The following GRB10 variants were observed in gnomAD, a reference collection of about 807,000 sequenced individuals.
GRB10 encodes the protein growth factor receptor bound protein 10.
A neutral mutation model predicts 80.9 loss-of-function variants in GRB10; 20 were observed. That is an observed-to-expected ratio of 0.25 (90% CI 0.17 to 0.36). The LOEUF (loss-of-function observed/expected upper bound fraction) is 0.36. Among genes scored for constraint, GRB10 ranks in the 10% least tolerant of loss-of-function variants. The pLI is 1.00. For missense variants in GRB10, 548 were observed against 747.7 expected, an observed-to-expected ratio of 0.73 and a Z score of 3.12; for synonymous variants, 291 against 291.5, an observed-to-expected ratio of 1.00 and a Z score of 0.02.
At chr7:50,612,687 C>A in intron 13 of GRB10, 54 bp downstream of exon 13, 1 of 1,210,554 alleles carries the variant, frequency 8.3e-7, no homozygotes, top group South Asian at 1.2e-5. Flanking sequence ...AGTCCAGAGG[C>A]CAATTTTCCA....
chr7:50,673,366 C>A (rs113330700), intron 6 of GRB10, among the ~76,000 whole-genome samples: 129 of 152,286 alleles, frequency 8.5e-4, no homozygotes, highest in African/African-American at 3.1e-3. Context: ...TGGCTCTCAG[C>A]TTGATTCTAC....
chr7:50,704,048 A>G (rs1182137989), intron 4 of GRB10, 140 bp from the exon 5 acceptor site: 21 of 650,682 alleles, frequency 3.2e-5, no homozygotes, highest in Non-Finnish European at 4.5e-5. Flanking sequence ...TCCATTTTCA[A>G]TGATAGTTGT....
At chr7:50,789,832 T>C (rs1433226376) in intron 1 of GRB10, among the ~76,000 whole-genome samples, 1 of 152,186 alleles carries the variant, frequency 6.6e-6, no homozygotes, top group Non-Finnish European at 1.5e-5. Flanking sequence ...CCTCTGAGAT[T>C]ATTTTTGATA....
chr7:50,752,894 T>C (rs61552283), intron 3 of GRB10, among the ~76,000 whole-genome samples: 10,606 of 152,202 alleles, frequency 0.07, 456 homozygotes, highest in East Asian at 0.19. Flanking sequence ...TAAGCTATGG[T>C]CCCCAAGGAA....
rs2048149321 is a variant in GRB10, at chr7:50,604,389, A to G, written c.1390-12T>C. On this transcript the variant is annotated splice_polypyrimidine_tract_variant and intron_variant, in intron 15 of 18. Transcript: ENST00000401949. ...CGTGTGCTTCGCTTCTGCAAAAGAA[A>G]TCCCACATTAGCACCGAGGACAGCA... The G allele has an allele frequency of 6.2e-7, 1 of 1,609,000 alleles. No individual in the cohort carries two copies. Among genetic ancestry groups the G allele is most frequent in the Non-Finnish European group, 8.5e-7 (1 of 1,176,536 alleles).
At chr7:50,767,763 C>T (rs1244302204) in intron 2 of GRB10, among the ~76,000 whole-genome samples, 1 of 152,196 alleles carries the variant, frequency 6.6e-6, no homozygotes, top group African/African-American at 2.4e-5. Context: ...CTAGGCCCGC[C>T]ATGTTGGGGA....
rs775139132 is a variant in GRB10 at position 50,732,275 on chromosome 7, G to A, written c.48C>T (p.Tyr16=). Residue 16 remains tyrosine, a synonymous_variant, in exon 4 of 19, where the codon TAC becomes TAT. Coordinates refer to ENST00000401949, the MANE Select transcript of GRB10 (RefSeq NM_001350814.2). ...CPDSFLHHPY[Y]QDKVEQTPRS... Reference sequence around the variant, plus strand: ...AGATATATGTGCTCGCCCATACCTGGTAGTACGGATGGTGCAAAAAGGAAT... The same window carrying A: ...AGATATATGTGCTCGCCCATACCTGATAGTACGGATGGTGCAAAAAGGAAT... 8.1e-6 allele frequency: 13 copies of A among 1,613,980 alleles called. No homozygotes were observed. Among genetic ancestry groups the A allele is most frequent in the Non-Finnish European group, 1.0e-5 (12 of 1,179,880 alleles).
At chr7:50,744,686 C>T (rs538324599) in intron 3 of GRB10, among the ~76,000 whole-genome samples, 25 of 152,270 alleles carry the variant, frequency 1.6e-4, no homozygotes, top group Middle Eastern at 6.8e-3. Context: ...ACAAGACCCA[C>T]GAGAGGTCAC....
At chr7:50,688,163 T>A (rs547808288) in intron 5 of GRB10, among the ~76,000 whole-genome samples, 8 of 152,244 alleles carry the variant, frequency 5.3e-5, no homozygotes, top group Non-Finnish European at 1.2e-4. Flanking sequence ...AAACACACAC[T>A]CAGCACCACA....
intron 17 of GRB10, among the ~76,000 whole-genome samples, chr7:50,600,606 G>A (rs1242534090): frequency 1.3e-5 from 2 of 152,106 alleles, no homozygotes; most frequent in East Asian, 3.9e-4. Context: ...AGAGAGGGGG[G>A]AAAAGAATCC....
At chr7:50,764,946 A>G (rs921770505) in intron 2 of GRB10, among the ~76,000 whole-genome samples, 1 of 152,228 alleles carries the variant, frequency 6.6e-6, no homozygotes, top group African/African-American at 2.4e-5. Flanking sequence ...AATAACCAGA[A>G]TGTATAAGGA....
chr7:50,723,850 C>T (rs1206394324), intron 4 of GRB10, among the ~76,000 whole-genome samples: 2 of 152,214 alleles, frequency 1.3e-5, no homozygotes, highest in South Asian at 2.1e-4. Context: ...AGAACAGCTG[C>T]TCAAGGCAAA....
At chr7:50,681,391 A>G (rs1586813110) in intron 5 of GRB10, among the ~76,000 whole-genome samples, 1 of 152,218 alleles carries the variant, frequency 6.6e-6, no homozygotes, top group Non-Finnish European at 1.5e-5. Flanking sequence ...GCCTCCTCTT[A>G]GTCCCAACTC....
At chr7:50,634,161 TG>T (rs1209765868) in intron 7 of GRB10, among the ~76,000 whole-genome samples, 2 of 152,184 alleles carry the variant, frequency 1.3e-5, no homozygotes, top group Middle Eastern at 6.3e-3. Flanking sequence ...TCACCTATAA[TG>T]GAAATCCCAT....
chr7:50,774,320 T>C (rs928759091), intron 2 of GRB10, among the ~76,000 whole-genome samples: 1 of 152,212 alleles, frequency 6.6e-6, no homozygotes, highest in Non-Finnish European at 1.5e-5. Flanking sequence ...TTGAACACTA[T>C]ATACAATGTA....
rs769910172 is a variant in GRB10 at position 50,626,782 on chromosome 7, A to C, written c.661+40T>G. 1.9e-6 allele frequency: 3 copies of C among 1,612,368 alleles called. No individual in the cohort carries two copies. The South Asian group carries it at 3.3e-5, about 18-fold the overall frequency. On this transcript the variant is annotated intron_variant, in intron 8 of 18. Coordinates refer to ENST00000401949, the MANE Select transcript of GRB10 (RefSeq NM_001350814.2). ...AGCAGTCTTCATTCAATTGCACATA[A>C]GCATCCCCAGGTGCCAATCCTGTTC...
intron 7 of GRB10, among the ~76,000 whole-genome samples, chr7:50,651,698 A>G (rs1303787319): frequency 6.6e-6 from 1 of 152,252 alleles, no homozygotes; most frequent in Non-Finnish European, 1.5e-5. Context: ...ACATTAAATT[A>G]AACAATGATG....
At chr7:50,717,837 C>G (rs2067112002) in intron 4 of GRB10, among the ~76,000 whole-genome samples, 2 of 152,236 alleles carry the variant, frequency 1.3e-5, no homozygotes, top group African/African-American at 4.8e-5. Context: ...TGGTCAGATA[C>G]ACAGATCGGT....
At chr7:50,749,719 T>TCAAC (rs748520058) in intron 3 of GRB10, among the ~76,000 whole-genome samples, 4 of 152,210 alleles carry the variant, frequency 2.6e-5, no homozygotes, top group Non-Finnish European at 5.9e-5. Flanking sequence ...CCCCCAGTCA[T>TCAAC]CAACTCGTTG....
Sources: gnomAD v4.1 joint callset for allele counts (sites outside exome capture counted in the v4.1 genomes callset) on GRCh38, gnomAD v4.1.1 for gene constraint, MANE v1.5 for transcripts, NCBI Gene and HGNC (gene_info 2026-07-23, HGNC 2026-07-21) for gene names.